AUTS2: variants seen among roughly 807,000 people sequenced by gnomAD.
AUTS2 encodes activator of transcription and developmental regulator AUTS2.
Under a neutral mutation model 112.4 loss-of-function variants are expected in AUTS2, and 17 were observed. The ratio of observed to expected loss-of-function variants is 0.15; its 90% CI spans 0.10 to 0.23. The LOEUF (loss-of-function observed/expected upper bound fraction) is 0.23, where lower values mean the gene tolerates loss of function less well. Among genes scored for constraint, AUTS2 ranks in the 10% least tolerant of loss-of-function variants. The probability of loss-of-function intolerance (pLI) is 1.00; values close to 1 mark genes in which losing one functional copy is unlikely to be tolerated. For missense variants in AUTS2, 1,510 were observed against 1,701.6 expected (o/e 0.89, Z 1.98); for synonymous variants, 751 against 702.7 (o/e 1.07, Z -1.09).
chr7:70,073,637 C>G (rs545475653), intron 2 of AUTS2, among the ~76,000 whole-genome samples: 11 of 152,140 alleles, frequency 7.2e-5, no homozygotes, highest in Middle Eastern at 6.8e-3. Flanking sequence ...CTCTCTGAGC[C>G]TTTGTTTCTC....
At chr7:69,963,777 C>G (rs1797524018) in intron 2 of AUTS2, among the ~76,000 whole-genome samples, 1 of 152,018 alleles carries the variant, frequency 6.6e-6, no homozygotes, top group Non-Finnish European at 1.5e-5. Context: ...GCAATTACAC[C>G]CAGCATTTGG....
chr7:70,772,666 C>T (rs763892337), intron 11 of AUTS2, among the ~76,000 whole-genome samples: 17 of 152,220 alleles, frequency 1.1e-4, no homozygotes, highest in Non-Finnish European at 2.9e-5. Flanking sequence ...GGTCCCCTCC[C>T]CCTTCAAAAT....
intron 2 of AUTS2, among the ~76,000 whole-genome samples, chr7:70,084,107 C>G (rs1283997760): frequency 2.0e-5 from 3 of 152,034 alleles, no homozygotes; most frequent in Admixed American, 2.0e-4. Flanking sequence ...AACAAATTAA[C>G]TGTTTTTTGT....
At chr7:70,326,386 C>T (rs1282652086) in intron 4 of AUTS2, among the ~76,000 whole-genome samples, 1 of 152,188 alleles carries the variant, frequency 6.6e-6, no homozygotes, top group Non-Finnish European at 1.5e-5. Context: ...TTACTCCATG[C>T]GTTTACCTTT....
intron 4 of AUTS2, among the ~76,000 whole-genome samples, chr7:70,369,002 A>C (rs371060960): frequency 1.3e-5 from 2 of 152,230 alleles, no homozygotes; most frequent in South Asian, 2.1e-4. Context: ...ATGCAGAATG[A>C]AATGGTAATA....
intron 1 of AUTS2, among the ~76,000 whole-genome samples, chr7:69,679,518 A>G (rs1275366902): frequency 6.6e-6 from 1 of 152,248 alleles, no homozygotes; most frequent in Admixed American, 6.5e-5. Flanking sequence ...TTTTATGGAA[A>G]TAAATGATGA....
At position 70,364,030 on chromosome 7, in the gene AUTS2, G is replaced by A. The variant is rs897705355; in HGVS notation, c.661-71722G>A. Among the ~76,000 whole-genome samples, 3 of 152,142 alleles carry A rather than the reference G, an allele frequency of 2.0e-5. 1 individual carries two copies. The highest frequency in any genetic ancestry group is 1.3e-4 in the Admixed American group (2 of 15,288). ...GAGCACCTTACACATCATAGGAATG[G>A]GATCTATTTTAGTGATTAATCTGTT... On this transcript the variant is annotated intron_variant, in intron 4 of 18. Coordinates refer to ENST00000342771, the MANE Select transcript of AUTS2 (RefSeq NM_015570.4).
chr7:70,086,640 CAAAAAAA>C (rs71068015), intron 2 of AUTS2, among the ~76,000 whole-genome samples: 2 of 83,562 alleles, frequency 2.4e-5, no homozygotes, highest in Non-Finnish European at 2.4e-5. Context: ...GACTCCATCT[CAAAAAAA>C]AAAAAAAAAA....
intron 1 of AUTS2, among the ~76,000 whole-genome samples, chr7:69,815,766 G>A (rs2129525494): frequency 6.6e-6 from 1 of 152,280 alleles, no homozygotes; most frequent in African/African-American, 2.4e-5. Flanking sequence ...ACCTGCCTTG[G>A]CCTCCCAAAG....
intron 10 of AUTS2, 104 bp from the exon 11 acceptor site, chr7:70,771,445 T>A (rs147006946): frequency 5.3e-5 from 46 of 866,418 alleles, no homozygotes; most frequent in Non-Finnish European, 7.4e-5. Flanking sequence ...AAACTGAGAT[T>A]ACGTGGCTTG....
intron 4 of AUTS2, among the ~76,000 whole-genome samples, chr7:70,299,641 T>C (rs1010432085): frequency 2.6e-5 from 4 of 152,146 alleles, no homozygotes; most frequent in African/African-American, 9.7e-5. Flanking sequence ...GATGAGCACC[T>C]TGCAGCCCGT....
intron 1 of AUTS2, among the ~76,000 whole-genome samples, chr7:69,614,314 C>CTCTCTCTTTCTT (rs1554334304): frequency 1.2e-5 from 1 of 83,320 alleles, no homozygotes; most frequent in African/African-American, 4.7e-5. Flanking sequence ...CACTCTCCGT[C>CTCTCTCTTTCTT]TCTTTCTTTC....
chr7:69,705,273 G>GC (rs1357920949), intron 1 of AUTS2, among the ~76,000 whole-genome samples: 2 of 152,290 alleles, frequency 1.3e-5, no homozygotes, highest in Admixed American at 6.5e-5. Flanking sequence ...AGGTCATCGG[G>GC]CCTATCTCAA....
intron 2 of AUTS2, among the ~76,000 whole-genome samples, chr7:69,926,795 A>G (rs1796032431): frequency 6.8e-6 from 1 of 146,920 alleles, no homozygotes; most frequent in Non-Finnish European, 1.5e-5. Context: ...ATAAATATAT[A>G]TAAAATATAT....
chr7:70,496,281 G>A (rs372428267), intron 5 of AUTS2, among the ~76,000 whole-genome samples: 3,508 of 46,832 alleles, frequency 0.075, 3 homozygotes, highest in African/African-American at 0.12. Flanking sequence ...TCACATCAGC[G>A]TCGATCACAC....
intron 4 of AUTS2, among the ~76,000 whole-genome samples, chr7:70,205,499 C>T (rs1244649077): frequency 6.6e-6 from 1 of 152,196 alleles, no homozygotes; most frequent in Non-Finnish European, 1.5e-5. Flanking sequence ...CAGTACTTTT[C>T]TGTATTTAGA....
chr7:69,754,641 G>A (rs1236972372), intron 1 of AUTS2, among the ~76,000 whole-genome samples: 1 of 152,074 alleles, frequency 6.6e-6, no homozygotes, highest in East Asian at 1.9e-4. Context: ...TCCAGTGCAG[G>A]TGCCCAGGAG....
rs372517132 is a variant in AUTS2 at position 70,453,278 on chromosome 7, G to A, written c.690+17497G>A. On this transcript the variant is annotated intron_variant, in intron 5 of 18. Coordinates refer to ENST00000342771, the MANE Select transcript of AUTS2 (RefSeq NM_015570.4). ...ATAGCGTTGCTGTCTAAAAGATGAC[G>A]GGGGAGACTTCTCAGCGTCTGTGAT... Among the ~76,000 whole-genome samples, 133 of 152,292 alleles carry A rather than the reference G, an allele frequency of 8.7e-4. 4 individuals are homozygous for A. The South Asian group carries it at 0.027, about 31-fold the overall frequency.
chr7:70,289,073 A>G (rs940089618), intron 4 of AUTS2, among the ~76,000 whole-genome samples: 1 of 152,234 alleles, frequency 6.6e-6, no homozygotes, highest in Non-Finnish European at 1.5e-5. Flanking sequence ...TCTGAGCAAC[A>G]TGAAAATTAA....
Sources: allele counts gnomAD v4.1 joint callset (sites outside exome capture counted in the v4.1 genomes callset), GRCh38; gene constraint gnomAD v4.1.1; transcripts MANE v1.5; gene names NCBI Gene and HGNC (gene_info 2026-07-23, HGNC 2026-07-21).